The following CTNNA2 variants were observed in gnomAD, a reference collection of about 807,000 sequenced individuals.
CTNNA2 encodes catenin alpha 2.
CTNNA2 carries 42 observed loss-of-function variants against 101.0 expected under a neutral mutation model. The observed-to-expected ratio is 0.42, with a 90% CI of 0.32 to 0.54. The LOEUF (loss-of-function observed/expected upper bound fraction) is 0.54, where lower values mean the gene tolerates loss of function less well. CTNNA2 is among the 20% of genes least tolerant of loss of function. The pLI, the probability that CTNNA2 is intolerant of heterozygous loss-of-function variation, is 0.14. For missense variants in CTNNA2, 871 were observed against 1,223.1 expected (o/e 0.71, Z 4.29); for synonymous variants, 450 against 456.4 (o/e 0.99, Z 0.18).
intron 7 of CTNNA2, among the ~76,000 whole-genome samples, chr2:80,326,702 G>T (rs949986601): frequency 1.3e-5 from 2 of 151,966 alleles, no homozygotes; most frequent in Non-Finnish European, 2.9e-5. Flanking sequence ...ATGTACCACA[G>T]AAAACTTTCC....
intron 7 of CTNNA2, chr2:80,288,270 A>G (rs988324336): frequency 1.3e-5 from 2 of 152,234 alleles, no homozygotes; most frequent in African/African-American, 4.8e-5. Context: ...CGTGGATCAA[A>G]GAAGTAAATT....
intron 7 of CTNNA2, among the ~76,000 whole-genome samples, chr2:79,943,497 T>A (rs1688296623): frequency 6.6e-6 from 1 of 152,190 alleles, no homozygotes; most frequent in Admixed American, 6.5e-5. Context: ...ACATCCATAG[T>A]GCTGACTCCA....
chr2:79,201,061 C>G (rs1053562935), intron 2 of CTNNA2, among the ~76,000 whole-genome samples: 1 of 151,994 alleles, frequency 6.6e-6, no homozygotes, highest in African/African-American at 2.4e-5. Flanking sequence ...TAAATAAAAC[C>G]CCTTAAGTAA....
chr2:79,753,869 T>G (rs7604022), intron 3 of CTNNA2, among the ~76,000 whole-genome samples: 8 of 131,618 alleles, frequency 6.1e-5, no homozygotes, highest in African/African-American at 2.0e-4. Flanking sequence ...TTTTCTCTCT[T>G]TTTTTTTTTT....
At chr2:79,751,792 G>C (rs145159882) in intron 3 of CTNNA2, among the ~76,000 whole-genome samples, 65 of 152,046 alleles carry the variant, frequency 4.3e-4, no homozygotes, top group African/African-American at 1.5e-3. Context: ...ATGAAAACCT[G>C]ACTAAATTAG....
At chr2:79,246,228 C>T (rs533014421) in intron 2 of CTNNA2, among the ~76,000 whole-genome samples, 3 of 152,278 alleles carry the variant, frequency 2.0e-5, no homozygotes, top group African/African-American at 4.8e-5. Flanking sequence ...ATGGACAAGA[C>T]GGTCTCTCAA....
chr2:79,186,287 A>T (rs1673777856), intron 1 of CTNNA2, among the ~76,000 whole-genome samples: 1 of 152,208 alleles, frequency 6.6e-6, no homozygotes, highest in African/African-American at 2.4e-5. Flanking sequence ...ATAGACATGA[A>T]TTTATCCATC....
chr2:80,636,971 C>T (rs1242030659), intron 18 of CTNNA2, among the ~76,000 whole-genome samples: 1 of 152,112 alleles, frequency 6.6e-6, no homozygotes, highest in African/African-American at 2.4e-5. Context: ...TTCCTATTCC[C>T]CTCATGAACT....
At chr2:79,434,288 A>T (rs1483711640) in intron 4 of CTNNA2, among the ~76,000 whole-genome samples, 3 of 129,768 alleles carry the variant, frequency 2.3e-5, no homozygotes, top group Non-Finnish European at 5.0e-5. Flanking sequence ...ACAGAGAGAG[A>T]CTCTGTCAAA....
chr2:80,231,212 C>G (rs1032926610), intron 7 of CTNNA2, among the ~76,000 whole-genome samples: 1 of 151,986 alleles, frequency 6.6e-6, no homozygotes, highest in African/African-American at 2.4e-5. Flanking sequence ...AGTCTGAAGT[C>G]CTGACCTCAG....
At chr2:79,640,541 A>G (rs1680380663) in intron 1 of CTNNA2, among the ~76,000 whole-genome samples, 1 of 152,206 alleles carries the variant, frequency 6.6e-6, no homozygotes, top group South Asian at 2.1e-4. Flanking sequence ...AGTATAAATT[A>G]CGTTCTCTAA....
intron 2 of CTNNA2, among the ~76,000 whole-genome samples, chr2:79,665,275 C>T (rs1242378464): frequency 6.6e-6 from 1 of 152,184 alleles, no homozygotes; most frequent in Non-Finnish European, 1.5e-5. Flanking sequence ...CTCTGCTCTG[C>T]TCTCAGACCT....
At chr2:79,680,291 G>C (rs1683472288) in intron 2 of CTNNA2, among the ~76,000 whole-genome samples, 2 of 151,884 alleles carry the variant, frequency 1.3e-5, no homozygotes, top group African/African-American at 4.8e-5. Context: ...AAACTGAAAA[G>C]GTAGGTTACT....
intron 7 of CTNNA2, among the ~76,000 whole-genome samples, chr2:80,160,010 A>G (rs929004675): frequency 2.0e-5 from 3 of 152,192 alleles, no homozygotes; most frequent in Non-Finnish European, 4.4e-5. Context: ...TGTAAGATGT[A>G]AAATGTAGGT....
chr2:79,269,452 A>G (rs922086636), intron 2 of CTNNA2, among the ~76,000 whole-genome samples: 1 of 152,144 alleles, frequency 6.6e-6, no homozygotes, highest in African/African-American at 2.4e-5. Context: ...CACCTGGGGT[A>G]ATAAGTAAAC....
At chr2:80,376,408 C>T (rs997796513) in intron 7 of CTNNA2, among the ~76,000 whole-genome samples, 1 of 150,100 alleles carries the variant, frequency 6.7e-6, no homozygotes, top group Non-Finnish European at 1.5e-5. Flanking sequence ...GTAGACATGC[C>T]AGCAAACTAG....
chr2:80,508,810 C>T (rs1688481509), intron 9 of CTNNA2, among the ~76,000 whole-genome samples: 1 of 152,130 alleles, frequency 6.6e-6, no homozygotes, highest in Non-Finnish European at 1.5e-5. Context: ...TGCTTCTTTC[C>T]TACTATTTCT....
chr2:79,695,557 A>C, intron 2 of CTNNA2, among the ~76,000 whole-genome samples: 1 of 152,010 alleles, frequency 6.6e-6, no homozygotes, highest in East Asian at 1.9e-4. Context: ...CCCATGTACA[A>C]AAAATGGCAG....
intron 7 of CTNNA2, among the ~76,000 whole-genome samples, chr2:80,180,055 A>T (rs548087746): frequency 4.6e-5 from 7 of 152,342 alleles, no homozygotes; most frequent in African/African-American, 1.7e-4. Context: ...AATCAACATC[A>T]GCTCAAAGCC....
Sources: gnomAD v4.1 joint callset for allele counts (sites outside exome capture counted in the v4.1 genomes callset) on GRCh38, gnomAD v4.1.1 for gene constraint, MANE v1.5 for transcripts, NCBI Gene and HGNC (gene_info 2026-07-23, HGNC 2026-07-21) for gene names.